Variants in HTR1F observed in about 807,000 individuals in gnomAD.
HTR1F encodes the protein 5-hydroxytryptamine (serotonin) receptor 1F, G protein-coupled.
HTR1F carries 17 observed loss-of-function variants against 24.0 expected under a neutral mutation model. That is an observed-to-expected ratio of 0.71 (90% confidence interval 0.48 to 1.06). The LOEUF is 1.06. Among genes scored for constraint, HTR1F ranks in the 50% least tolerant of loss-of-function variants. HTR1F has a pLI of 0.00. For missense variants in HTR1F, 391 were observed against 427.8 expected (o/e 0.91, Z 0.76); for synonymous variants, 186 against 156.8 (o/e 1.19, Z -1.39).
chr3:87,863,113 G>C (rs1464596177), intron 2 of HTR1F, among the ~76,000 whole-genome samples: 1 of 152,136 alleles, frequency 6.6e-6, no homozygotes. Flanking sequence ...ACTGTGCCTG[G>C]CCACATACTT....
At chr3:87,954,684 C>A (rs1704906267) in intron 2 of HTR1F, among the ~76,000 whole-genome samples, 1 of 151,448 alleles carries the variant, frequency 6.6e-6, no homozygotes, top group East Asian at 1.9e-4. Flanking sequence ...TTACTGAAAG[C>A]CACGAAGATA....
At chr3:87,961,824 G>A (rs1291304244) in intron 2 of HTR1F, among the ~76,000 whole-genome samples, 9 of 151,170 alleles carry the variant, frequency 6.0e-5, no homozygotes, top group Non-Finnish European at 1.0e-4. Flanking sequence ...AAGAATAAAA[G>A]GTTTACAGAA....
At chr3:87,828,054 T>C (rs1704500990) in intron 2 of HTR1F, among the ~76,000 whole-genome samples, 1 of 152,210 alleles carries the variant, frequency 6.6e-6, no homozygotes, top group African/African-American at 2.4e-5. Context: ...GTTCTATAGT[T>C]CCATCTGGGT....
chr3:87,941,483 T>A (rs1412305591), intron 2 of HTR1F, among the ~76,000 whole-genome samples: 2 of 152,150 alleles, frequency 1.3e-5, no homozygotes, highest in Non-Finnish European at 2.9e-5. Flanking sequence ...TTAAGAGCGC[T>A]TGGGTGGCTT....
rs1430354779 is a variant in HTR1F, at chr3:87,993,273, A to C, written c.*1423A>C. On this transcript the variant is annotated 3_prime_UTR_variant, in exon 3 of 3. Transcript: ENST00000319595. ...GTGACAAATTACTCTCAATCTAACA[A>C]ACATTTACAGAGTTCCCATTTTATA... is the stretch of plus-strand genomic sequence containing the variant. 1 of 166,698 alleles carries C rather than the reference A, an allele frequency of 6.0e-6. No individual in the cohort carries two copies. The highest frequency in any genetic ancestry group is 1.5e-5 in the Non-Finnish European group (1 of 68,064). The allele number at this position is 166,698 out of a possible 1,614,324, so 10.3% of individuals were successfully genotyped here.
chr3:87,966,561 CAATT>C (rs2107488116), intron 2 of HTR1F, among the ~76,000 whole-genome samples: 2 of 152,178 alleles, frequency 1.3e-5, no homozygotes, highest in South Asian at 4.2e-4. Context: ...CGTTTTATGA[CAATT>C]AATATTAGGC....
chr3:87,969,322 C>T (rs1293813583), intron 2 of HTR1F, among the ~76,000 whole-genome samples: 5 of 152,198 alleles, frequency 3.3e-5, no homozygotes, highest in Non-Finnish European at 7.3e-5. Flanking sequence ...TCAATGTCAG[C>T]CTGTGAAAGC....
intron 2 of HTR1F, among the ~76,000 whole-genome samples, chr3:87,969,264 A>G (rs1415177614): frequency 2.0e-5 from 3 of 152,220 alleles, no homozygotes; most frequent in African/African-American, 7.2e-5. Context: ...CTGGAATGGT[A>G]GGTCCACTGA....
intron 2 of HTR1F, among the ~76,000 whole-genome samples, chr3:87,832,163 G>A (rs888335208): frequency 2.2e-4 from 34 of 151,928 alleles, no homozygotes; most frequent in Middle Eastern, 3.2e-3. Flanking sequence ...GCTAAAATCC[G>A]TATCTTCCAT....
chr3:87,945,732 T>C (rs1704683040), intron 2 of HTR1F, among the ~76,000 whole-genome samples: 1 of 152,156 alleles, frequency 6.6e-6, no homozygotes, highest in Non-Finnish European at 1.5e-5. Context: ...CTAATCGTTT[T>C]TAACTGGCTG....
intron 2 of HTR1F, among the ~76,000 whole-genome samples, chr3:87,839,933 G>C (rs1704764568): frequency 6.6e-6 from 1 of 152,110 alleles, no homozygotes; most frequent in East Asian, 1.9e-4. Flanking sequence ...CAAAGGACAT[G>C]ATTTCATTCT....
chr3:87,849,222 G>A lies in HTR1F; in HGVS notation c.-43+27098G>A, dbSNP rs534770848. On this transcript the variant is annotated intron_variant, in intron 2 of 2. Transcript: ENST00000319595. The stretch of plus-strand genomic sequence containing the variant: ...ACTTCAAACTATACTACAAGGCTAC[G>A]GTAACCAAAACAGCATGGTACTGGT... 9.4e-4 allele frequency among the ~76,000 whole-genome samples: 142 copies of A among 151,728 alleles called. 2 individuals carry two copies. Among genetic ancestry groups the A allele is most frequent in the Admixed American group, 1.1e-3 (17 of 15,222 alleles).
intron 2 of HTR1F, among the ~76,000 whole-genome samples, chr3:87,836,927 A>T (rs1442260434): frequency 6.6e-6 from 1 of 152,070 alleles, no homozygotes; most frequent in African/African-American, 2.4e-5. Flanking sequence ...TTAATATAGT[A>T]TCATTAAAAT....
intron 1 of HTR1F, among the ~76,000 whole-genome samples, chr3:87,803,794 G>A (rs918838287): frequency 1.2e-4 from 18 of 152,120 alleles, no homozygotes; most frequent in African/African-American, 4.3e-4. Context: ...AATTCCATGA[G>A]TACAATCATA....
chr3:87,852,048 G>T (rs1442855446), intron 2 of HTR1F, among the ~76,000 whole-genome samples: 1 of 150,538 alleles, frequency 6.6e-6, no homozygotes, highest in East Asian at 1.9e-4. Context: ...TAGCAATAAG[G>T]ATTATTGCCA....
Position 87,976,964 on chromosome 3 carries a change from G to T in HTR1F, c.-42-13744G>T, listed in dbSNP as rs553688656. Among the ~76,000 whole-genome samples, 14 of 152,316 alleles carry T rather than the reference G, an allele frequency of 9.2e-5. No homozygotes were observed. The East Asian group carries it at 2.7e-3, about 29-fold the overall frequency. On this transcript the variant is annotated intron_variant, in intron 2 of 2. Coordinates refer to ENST00000319595, the MANE Select transcript of HTR1F (RefSeq NM_001322209.2). The stretch of plus-strand genomic sequence containing the variant: ...TAGTCAAGGCGGAGGAAAAGATCAT[G>T]ACCATAAACTTTCAAAATTTCCATC...
intron 2 of HTR1F, among the ~76,000 whole-genome samples, chr3:87,864,902 AAAAAGAAAAGAAAAG>A (rs370477093): frequency 1.5e-4 from 21 of 144,438 alleles, no homozygotes; most frequent in African/African-American, 5.4e-4. Context: ...AAAAAAAAAA[AAAAAGAAAAGAAAAG>A]AAAAGAAAAG....
chr3:87,924,140 G>A (rs549519575), intron 2 of HTR1F, among the ~76,000 whole-genome samples: 1 of 151,950 alleles, frequency 6.6e-6, no homozygotes, highest in Non-Finnish European at 1.5e-5. Flanking sequence ...TTCTTTTTTG[G>A]AAGACTTTTT....
chr3:87,939,986 C>A (rs879182535), intron 2 of HTR1F, among the ~76,000 whole-genome samples: 6 of 152,198 alleles, frequency 3.9e-5, no homozygotes, highest in Admixed American at 2.0e-4. Context: ...TTCCTGCATT[C>A]TCCTGTGAGC....
Sources: gnomAD v4.1 joint callset for allele counts (sites outside exome capture counted in the v4.1 genomes callset) on GRCh38, gnomAD v4.1.1 for gene constraint, MANE v1.5 for transcripts, NCBI Gene and HGNC (gene_info 2026-07-23, HGNC 2026-07-21) for gene names.